Variants in APC2 observed in about 807,000 individuals in gnomAD.
The protein encoded by APC2 is adenomatous polyposis coli protein 2.
APC2 carries 41 observed loss-of-function variants against 72.5 expected under a neutral mutation model. The observed-to-expected ratio is 0.57, with a 90% CI of 0.44 to 0.73. APC2 has a LOEUF of 0.73. Ranked by LOEUF, APC2 falls within the 30% of genes least tolerant of loss-of-function variation. The pLI, the probability that APC2 is intolerant of heterozygous loss-of-function variation, is 0.00. For synonymous variants in APC2, 1,898 were observed against 1,612.0 expected (o/e 1.18, Z -4.25); for missense variants, 3,729 against 3,403.4 (o/e 1.10, Z -2.38).
chr19:1,467,384 G>T lies in APC2; in HGVS notation c.4083G>T (p.Ala1361=), dbSNP rs990020123. The T allele has an allele frequency of 1.3e-6, 2 of 1,486,082 alleles. No homozygotes were observed. Among genetic ancestry groups the T allele is most frequent in the African/African-American group, 1.5e-5 (1 of 68,820 alleles). 92.1% of individuals were successfully genotyped at this position (1,486,082 alleles called of 1,614,324 possible). A position where few individuals can be genotyped will look rare whatever the true frequency, so the allele number is the denominator to read the frequency against. Reference sequence around the variant, plus strand: ...CCCGGCTGCGCAAGGTGGCCTCCGCGCTGGTGCCAGGTCGCCGCGCACTCC... The same window carrying T: ...CCCGGCTGCGCAAGGTGGCCTCCGCTCTGGTGCCAGGTCGCCGCGCACTCC... ...VPARLRKVAS[A]LVPGRRALPV... is the part of the protein sequence containing the mutation. The change falls in exon 15 of 15, where the codon GCG becomes GCT. Residue 1361 remains alanine, a synonymous_variant. Coordinates refer to ENST00000590469, the MANE Select transcript of APC2 (RefSeq NM_005883.3).
In APC2 at chr19:1,468,799, CGAGCCCCGGGCAGCAGCGGTCGCG is replaced by C. The variant is rs2084075603; in HGVS notation, c.5504_5527del (p.Pro1835_Ser1842del). ...CAGCCCGCGGCTCCAGCCAAAGTCC[CGAGCCCCGGGCAGCAGCGGTCGCG>C]GAGCCTACACCGGCCTGCCAAGACC... On this transcript the variant is annotated inframe_deletion, in exon 15 of 15. Coordinates refer to ENST00000590469, the MANE Select transcript of APC2 (RefSeq NM_005883.3). 2.0e-6 allele frequency: 3 copies of C among 1,531,250 alleles called. No homozygotes were observed. In the East Asian group the frequency reaches 7.4e-5, roughly 38 times the overall value. 94.9% of individuals were successfully genotyped at this position (1,531,250 alleles called of 1,614,324 possible).
In APC2 at chr19:1,465,188, G is replaced by A. The variant is rs778935095; in HGVS notation, c.1887G>A (p.Thr629=). ...TCCGGGATCACAACTGTCTGCAGAC[G>A]CTGCTGCAGCATCTGACTTCGCACA... ...QVLRDHNCLQ[T]LLQHLTSHSL... is the part of the protein sequence containing the mutation. The change falls in exon 15 of 15, where the codon ACG becomes ACA. Residue 629 remains threonine, a synonymous_variant. Transcript: ENST00000590469. The A allele has an allele frequency of 3.7e-6, 6 of 1,606,490 alleles. No individual in the cohort carries two copies. The East Asian group carries it at 1.1e-4, about 30-fold the overall frequency.
rs1424661384 is a variant in APC2, at chr19:1,456,356, G to A, written c.768G>A (p.Glu256=). The A allele has an allele frequency of 1.2e-6, 2 of 1,609,434 alleles. No individual in the cohort carries two copies. The highest frequency in any genetic ancestry group is 2.2e-5 in the East Asian group (1 of 44,778). Residue 256 remains glutamate, a synonymous_variant, in exon 8 of 15, where the codon GAG becomes GAA. Coordinates refer to ENST00000590469, the MANE Select transcript of APC2 (RefSeq NM_005883.3). ...CGGTGGACGAGGACCCCGAGACAGA[G>A]GTCCCCACACACCCTGAGGATGGCA... The part of the protein sequence containing the change: ...SVPVDEDPET[E]VPTHPEDGTP...
chr19:1,454,990 C>A (rs1599134451), intron 4 of APC2, among the ~76,000 whole-genome samples, 159 bp from the exon 5 acceptor site: 1 of 140,022 alleles, frequency 7.1e-6, no homozygotes, highest in Non-Finnish European at 1.6e-5. Context: ...ATACCCACCC[C>A]CCCCCCCTTA....
chr19:1,455,110 G>A (rs767606969), intron 4 of APC2, 39 bp from the exon 5 acceptor site: 5 of 1,357,368 alleles, frequency 3.7e-6, no homozygotes, highest in Admixed American at 2.6e-5. Context: ...CACACACGGC[G>A]CCGCCCTCTG....
Position 1,473,115 on chromosome 19 carries a change from G to T in APC2, c.*2902G>T, listed in dbSNP as rs947790434. 6.6e-6 allele frequency: 1 copy of T among 152,298 alleles called. No individual in the cohort carries two copies. Among genetic ancestry groups the T allele is most frequent in the Non-Finnish European group, 1.5e-5 (1 of 68,080 alleles). The allele number at this position is 152,298 out of a possible 1,614,324, so 9.4% of individuals were successfully genotyped here. On this transcript the variant is annotated 3_prime_UTR_variant, in exon 15 of 15. Transcript: ENST00000590469. Reference sequence around the variant, plus strand: ...GTACCGGGTCTCTGCAGTGTTAAACGGACGTGTAAATAGTGGTAAATAGTG... The same window carrying T: ...GTACCGGGTCTCTGCAGTGTTAAACTGACGTGTAAATAGTGGTAAATAGTG...
chr19:1,449,689 C>A (rs959343018), upstream of APC2, among the ~76,000 whole-genome samples: 1 of 152,004 alleles, frequency 6.6e-6, no homozygotes, highest in Non-Finnish European at 1.5e-5. Context: ...CCAGCCTGGA[C>A]CCGAACCCTG....
In APC2 at chr19:1,465,555, G is replaced by T. The variant is rs761629754; in HGVS notation, c.2254G>T (p.Ala752Ser). Residue 752 changes from alanine (A) to serine (S), a missense_variant, in exon 15 of 15, where the codon GCC (alanine) becomes TCC (serine). Coordinates refer to ENST00000590469, the MANE Select transcript of APC2 (RefSeq NM_005883.3). ...GAAGCAGGGCCCGCCGGCAGCCGAG[G>T]CCGCCACTAAGAAGCCGCTGCCGCC... is the stretch of plus-strand genomic sequence containing the variant. ...LEKQGPPAAEAATKKPLPPLR... is the reference protein window; with the variant it reads ...LEKQGPPAAESATKKPLPPLR... 17 of 1,540,806 alleles carry T rather than the reference G, an allele frequency of 1.1e-5. No homozygotes were observed. The highest frequency in any genetic ancestry group is 1.4e-5 in the Non-Finnish European group (16 of 1,144,854).
chr19:1,467,606 C>A lies in APC2; in HGVS notation c.4305C>A (p.Ala1435=). The change falls in exon 15 of 15, where the codon GCC becomes GCA. Residue 1435 remains alanine (A), a synonymous_variant. Transcript: ENST00000590469. ...GACCCACCGGCCGCCCCACCTCTGC[C>A]AGACAGGCCATGGGGCACCGGCACA... ...RQRPTGRPTS[A]RQAMGHRHKA... is the part of the protein sequence containing the mutation. 6.6e-7 allele frequency: 1 copy of A among 1,508,686 alleles called. No homozygotes were observed. Among genetic ancestry groups the A allele is most frequent in the Non-Finnish European group, 8.8e-7 (1 of 1,135,488 alleles). 93.5% of individuals were successfully genotyped at this position (1,508,686 alleles called of 1,614,324 possible). A position where few individuals can be genotyped will look rare whatever the true frequency, so the allele number is the denominator to read the frequency against.
At chr19:1,446,274 G>A, upstream of APC2, 3 of 984,730 alleles carry the variant, frequency 3.0e-6, no homozygotes, top group Non-Finnish European at 3.6e-6. This position sits in a 1 kb window ranked among gnomAD's most constrained non-coding sequence, Gnocchi z 6.1. Flanking sequence ...CGGGTCCGGG[G>A]CGGCCGCGGC....
chr19:1,461,638 G>T (rs1003630146), intron 13 of APC2: 5 of 344,398 alleles, frequency 1.5e-5, no homozygotes, highest in Admixed American at 9.2e-5. Context: ...GGATCACAAG[G>T]TCAGGAGATC....
intron 9 of APC2, 114 bp downstream of exon 9, chr19:1,457,357 G>T: frequency 5.0e-6 from 7 of 1,394,648 alleles, no homozygotes; most frequent in Non-Finnish European, 6.5e-6. Context: ...GGCGTTGGAG[G>T]CTGCAGTACC....
In APC2 at chr19:1,472,087, G is replaced by C. The variant is rs1045428; in HGVS notation, c.*1874G>C. 3 of 152,416 alleles carry C rather than the reference G, an allele frequency of 2.0e-5. No individual in the cohort carries two copies. Among genetic ancestry groups the C allele is most frequent in the African/African-American group, 7.2e-5 (3 of 41,444 alleles). The allele number at this position is 152,416 out of a possible 1,614,324, so 9.4% of individuals were successfully genotyped here. Reference sequence around the variant, plus strand: ...AGAGGGGGTCATGGATGGCTGAGCAGAGAGCGGGGAAAATGCAGGCTGAGT... The same window carrying C: ...AGAGGGGGTCATGGATGGCTGAGCACAGAGCGGGGAAAATGCAGGCTGAGT... On this transcript the variant is annotated 3_prime_UTR_variant, in exon 15 of 15. Coordinates refer to ENST00000590469, the MANE Select transcript of APC2 (RefSeq NM_005883.3).
chr19:1,468,525 G>A lies in APC2; in HGVS notation c.5224G>A (p.Glu1742Lys), dbSNP rs1329198194. 1 of 1,602,976 alleles carries A rather than the reference G, an allele frequency of 6.2e-7. No individual in the cohort carries two copies. Among genetic ancestry groups the A allele is most frequent in the Non-Finnish European group, 8.5e-7 (1 of 1,174,136 alleles). Residue 1742 changes from glutamate to lysine, a missense_variant, in exon 15 of 15, where the codon GAG becomes AAG. By Grantham distance (56) the Glu-to-Lys change is moderately conservative. Transcript: ENST00000590469. ...CAAGCACAGGAAGGGACGACAGGCG[G>A]AGGGAGAAATGGGCAGTGCCCGGCG... ...PPKHRKGRQA[E>K]GEMGSARRPE...
Position 1,457,002 on chromosome 19 carries a change from C to A in APC2, c.966C>A (p.His322Gln). The A allele has an allele frequency of 1.3e-6, 2 of 1,532,088 alleles. No homozygotes were observed. The highest frequency in any genetic ancestry group is 8.7e-7 in the Non-Finnish European group (1 of 1,145,384). The allele number at this position is 1,532,088 out of a possible 1,614,324, so 94.9% of individuals were successfully genotyped here. ...TGCCTCTGCTGCTGCAAATCCTCCA[C>A]GGCACCGAGGCCGCGGCCGGGGGTC... ...GCLPLLLQIL[H>Q]GTEAAAGGRA... Residue 322 changes from histidine (H) to glutamine (Q), a missense_variant, in exon 9 of 15, where the codon CAC becomes CAA. By Grantham distance (24) the His-to-Gln change is conservative. Transcript: ENST00000590469.
rs764555736 is a variant in APC2 at position 1,460,848 on chromosome 19, G to C, written c.1512G>C (p.Glu504Asp). 1 of 1,613,226 alleles carries C rather than the reference G, an allele frequency of 6.2e-7. No individual in the cohort carries two copies. Among genetic ancestry groups the C allele is most frequent in the Non-Finnish European group, 8.5e-7 (1 of 1,179,960 alleles). ...IVAQLASDSE[E>D]LHQVVSSILR... is the part of the protein sequence containing the mutation. The stretch of plus-strand genomic sequence containing the variant: ...CCCAGCTGGCCTCCGACAGTGAGGA[G>C]CTCCACCAGGTACAGGGCGGGGTGC... The change falls in exon 12 of 15, where the codon GAG (glutamate) becomes GAC (aspartate). Residue 504 changes from glutamate to aspartate, a missense_variant. Transcript: ENST00000590469.
Position 1,452,658 on chromosome 19 carries a change from G to A in APC2, c.-18-326G>A, listed in dbSNP as rs2083757896. The stretch of plus-strand genomic sequence containing the variant: ...TGTGTTTGTCCGGCTGTCAGGATGT[G>A]TCCTGGGGGCTGGGAAGGAGAGGCC... On this transcript the variant is annotated intron_variant, in intron 1 of 14. Transcript: ENST00000590469. The surrounding 1 kb of genome is among the most constrained non-coding windows in gnomAD (Gnocchi z 5.1). 1 of 310,366 alleles carries A rather than the reference G, an allele frequency of 3.2e-6. No homozygotes were observed. The highest frequency in any genetic ancestry group is 4.5e-5 in the Admixed American group (1 of 22,042). 19.2% of individuals were successfully genotyped at this position (310,366 alleles called of 1,614,324 possible).
rs1254265177 is a variant in APC2, at chr19:1,469,817, C to T, written c.6516C>T (p.Ser2172=). ...CCACGGCCCTGCCACTGCGGGGCTC[C>T]ACGCCCGAGGACGCCCCGGCCGGGC... The part of the protein sequence containing the change: ...LPATALPLRG[S]TPEDAPAGPP... Residue 2172 remains serine, a synonymous_variant, in exon 15 of 15, where the codon TCC becomes TCT. Transcript: ENST00000590469. 19 of 1,521,568 alleles carry T rather than the reference C, an allele frequency of 1.2e-5. No individual in the cohort carries two copies. The highest frequency in any genetic ancestry group is 1.5e-5 in the Non-Finnish European group (17 of 1,141,866). The allele number at this position is 1,521,568 out of a possible 1,614,324, so 94.3% of individuals were successfully genotyped here.
At chr19:1,463,642 T>G (rs2145223435) in intron 14 of APC2, among the ~76,000 whole-genome samples, 1 of 151,272 alleles carries the variant, frequency 6.6e-6, no homozygotes, top group East Asian at 1.9e-4. Flanking sequence ...TCCAGCTACT[T>G]AGGAGGCTGA....
Sources: allele counts gnomAD v4.1 joint callset (sites outside exome capture counted in the v4.1 genomes callset), GRCh38; gene constraint gnomAD v4.1.1; non-coding constraint Gnocchi (gnomAD v3.1); transcripts MANE v1.5; gene names NCBI Gene and HGNC (gene_info 2026-07-23, HGNC 2026-07-21).